Variants in EYS observed in about 807,000 individuals in gnomAD.
The protein encoded by EYS is protein eyes shut homolog.
A neutral mutation model predicts 282.1 loss-of-function variants in EYS; 250 were observed. That is an observed-to-expected ratio of 0.89 (90% CI 0.80 to 0.98). The LOEUF is 0.98. EYS is among the 50% of genes least tolerant of loss of function. The pLI, the probability that EYS is intolerant of heterozygous loss-of-function variation, is 0.00. For synonymous variants in EYS, 1,355 were observed against 1,282.9 expected (o/e 1.06, Z -1.20); for missense variants, 4,016 against 3,709.0 (o/e 1.08, Z -2.15).
chr6:64,089,224 T>C (rs1034988932), intron 31 of EYS, among the ~76,000 whole-genome samples: 5 of 151,586 alleles, frequency 3.3e-5, no homozygotes, highest in Admixed American at 6.6e-5. Context: ...AATCTGTGAT[T>C]TAAATGAATA....
At chr6:63,778,424 A>C (rs1321171500) in intron 39 of EYS, among the ~76,000 whole-genome samples, 1 of 152,076 alleles carries the variant, frequency 6.6e-6, no homozygotes, top group Non-Finnish European at 1.5e-5. Flanking sequence ...TATTTTTTCT[A>C]TGCTTAGTCA....
Position 65,384,467 on chromosome 6 carries a change from C to A in EYS, c.1218G>T (p.Glu406Asp), listed in dbSNP as rs201331309. The change falls in exon 8 of 43, where the codon GAG becomes GAT. Residue 406 changes from glutamate (E) to aspartate (D), a missense_variant. Transcript: ENST00000503581. ...GCAGTTTACAGTGGTCAATTGCTTT[C>A]TCACAGTTTTTTTCAGTAAATCCTG... ...CISGFTEKNC[E>D]KAIDHCKLLS... is the part of the protein sequence containing the mutation. The A allele has an allele frequency of 7.1e-5, 114 of 1,607,092 alleles. No individual in the cohort carries two copies. Among genetic ancestry groups the A allele is most frequent in the Admixed American group, 6.7e-5 (4 of 59,728 alleles).
At chr6:65,331,471 TTAA>T (rs1259145941) in intron 11 of EYS, 2 of 877,882 alleles carry the variant, frequency 2.3e-6, no homozygotes. Context: ...ATAGAGAAAC[TTAA>T]TTTTATATAA....
At chr6:64,730,554 C>T (rs1327176495) in intron 22 of EYS, among the ~76,000 whole-genome samples, 2 of 152,188 alleles carry the variant, frequency 1.3e-5, no homozygotes, top group Non-Finnish European at 2.9e-5. Flanking sequence ...TCTTGGCTCA[C>T]TGCAACCTCA....
intron 29 of EYS, among the ~76,000 whole-genome samples, chr6:64,344,871 G>T (rs111793426): frequency 0.013 from 2,012 of 152,180 alleles, 43 homozygotes; most frequent in African/African-American, 0.046. Flanking sequence ...CAAAATCAAT[G>T]TGCAAAAATC....
At chr6:63,986,440 A>G (rs894403710) in intron 34 of EYS, among the ~76,000 whole-genome samples, 5 of 151,870 alleles carry the variant, frequency 3.3e-5, no homozygotes, top group African/African-American at 1.2e-4. Flanking sequence ...CCAAAGGAAT[A>G]TCAGTCATTC....
chr6:64,106,359 A>G (rs1773012003), intron 31 of EYS, among the ~76,000 whole-genome samples: 1 of 152,192 alleles, frequency 6.6e-6, no homozygotes, highest in Non-Finnish European at 1.5e-5. Flanking sequence ...ATCTTTGATG[A>G]ATAATTTTGC....
chr6:63,771,819 T>C (rs1234457481), intron 40 of EYS, among the ~76,000 whole-genome samples: 1 of 152,210 alleles, frequency 6.6e-6, no homozygotes, highest in Non-Finnish European at 1.5e-5. Context: ...AAATCTACAC[T>C]CTTCAAATAA....
chr6:64,414,810 T>C (rs1047530615), intron 28 of EYS, among the ~76,000 whole-genome samples: 3 of 152,140 alleles, frequency 2.0e-5, no homozygotes, highest in African/African-American at 7.2e-5. Flanking sequence ...TCAGGGTTGA[T>C]GTAAGATAGG....
intron 12 of EYS, among the ~76,000 whole-genome samples, chr6:65,124,441 T>A (rs558028534): frequency 6.6e-6 from 1 of 152,312 alleles, no homozygotes; most frequent in African/African-American, 2.4e-5. Context: ...TTAATTTTTA[T>A]ATGTAATTCA....
intron 12 of EYS, among the ~76,000 whole-genome samples, chr6:65,248,116 T>C (rs1166320717): frequency 2.0e-5 from 3 of 152,096 alleles, no homozygotes; most frequent in Non-Finnish European, 4.4e-5. Context: ...TGGTTTTGGC[T>C]GCTCAATTTT....
intron 22 of EYS, among the ~76,000 whole-genome samples, chr6:64,647,355 T>C (rs1454352748): frequency 2.6e-5 from 4 of 152,092 alleles, no homozygotes. Context: ...CACACACATA[T>C]TGAGAGAGAC....
intron 2 of EYS, among the ~76,000 whole-genome samples, chr6:65,627,860 C>G (rs1411873034): frequency 4.6e-5 from 7 of 152,238 alleles, no homozygotes; most frequent in Admixed American, 6.5e-5. Flanking sequence ...CCGAGCCTCC[C>G]CAGCGAGCAC....
intron 23 of EYS, among the ~76,000 whole-genome samples, chr6:64,621,570 A>T (rs115161102): frequency 4.0e-3 from 615 of 152,034 alleles, no homozygotes; most frequent in African/African-American, 0.014. Flanking sequence ...ATCTTGATTT[A>T]AAAAAAGATT....
At chr6:65,484,022 G>A (rs1165878231) in intron 5 of EYS, among the ~76,000 whole-genome samples, 1 of 152,010 alleles carries the variant, frequency 6.6e-6, no homozygotes, top group Non-Finnish European at 1.5e-5. Context: ...ATGAGATTTG[G>A]GTGGGGACAC....
chr6:64,118,795 G>T (rs1253080910), intron 31 of EYS, among the ~76,000 whole-genome samples: 2 of 151,828 alleles, frequency 1.3e-5, no homozygotes, highest in Non-Finnish European at 2.9e-5. Context: ...TCTGACAAGG[G>T]GTAATTATCC....
intron 22 of EYS, among the ~76,000 whole-genome samples, chr6:64,804,747 A>G (rs1764371260): frequency 6.6e-6 from 1 of 152,156 alleles, no homozygotes; most frequent in African/African-American, 2.4e-5. Context: ...GAATTTGAAT[A>G]TATCTGTGTA....
chr6:64,144,801 G>A (rs146370946), intron 31 of EYS, among the ~76,000 whole-genome samples: 12 of 152,196 alleles, frequency 7.9e-5, no homozygotes, highest in Non-Finnish European at 1.3e-4. Context: ...TGAGTAGGTC[G>A]CGCAGAACAA....
intron 11 of EYS, among the ~76,000 whole-genome samples, chr6:65,307,226 C>A (rs1399170489): frequency 1.4e-5 from 2 of 147,638 alleles, no homozygotes; most frequent in African/African-American, 4.9e-5. Flanking sequence ...TTCTGGAGTT[C>A]TTTCTCTCTG....
Sources: gnomAD v4.1 joint callset for allele counts (sites outside exome capture counted in the v4.1 genomes callset) on GRCh38, gnomAD v4.1.1 for gene constraint, MANE v1.5 for transcripts, NCBI Gene and HGNC (gene_info 2026-07-23, HGNC 2026-07-21) for gene names.